Variants in FGF10 observed in about 807,000 individuals in gnomAD.
FGF10 encodes the protein fibroblast growth factor 10.
A neutral mutation model predicts 19.8 loss-of-function variants in FGF10; 2 were observed. The observed-to-expected ratio is 0.10, with a 90% CI of 0.04 to 0.32. The LOEUF (loss-of-function observed/expected upper bound fraction) is 0.32, where lower values mean the gene tolerates loss of function less well. Ranked by LOEUF, FGF10 falls within the 10% of genes least tolerant of loss-of-function variation. The pLI is 1.00. For missense variants in FGF10, 191 were observed against 246.3 expected, an observed-to-expected ratio of 0.78 and a Z score of 1.50; for synonymous variants, 112 against 94.0, an observed-to-expected ratio of 1.19 and a Z score of -1.10.
At chr5:44,316,039 T>C (rs1561198833) in intron 1 of FGF10, among the ~76,000 whole-genome samples, 1 of 152,112 alleles carries the variant, frequency 6.6e-6, no homozygotes, top group Non-Finnish European at 1.5e-5. Flanking sequence ...ATTTAGCCAC[T>C]CTCCATCACT....
chr5:44,320,397 G>T (rs1338157440), intron 1 of FGF10, among the ~76,000 whole-genome samples: 1 of 152,126 alleles, frequency 6.6e-6, no homozygotes, highest in Non-Finnish European at 1.5e-5. Context: ...AAGCCCTCAA[G>T]CTAACCCAGC....
intron 1 of FGF10, among the ~76,000 whole-genome samples, chr5:44,336,891 A>G (rs1244300207): frequency 1.3e-5 from 2 of 152,144 alleles, no homozygotes; most frequent in African/African-American, 4.8e-5. Flanking sequence ...GTGACATGGA[A>G]GACAAAGAGC....
In FGF10 at chr5:44,302,660, A is replaced by G. The variant is rs1046460847; in HGVS notation, c.*2335T>C. On this transcript the variant is annotated 3_prime_UTR_variant, in exon 3 of 3. Transcript: ENST00000264664. ...GATTACAGGTGTGAGCTACTGCACC[A>G]GGCAGGTTTTTTGTCTTTCTGTGAG... 6.6e-6 allele frequency among the ~76,000 whole-genome samples: 1 copy of G among 152,132 alleles called. No individual in the cohort carries two copies. Among genetic ancestry groups the G allele is most frequent in the Non-Finnish European group, 1.5e-5 (1 of 68,006 alleles).
chr5:44,354,133 C>T (rs1165410775), intron 1 of FGF10, among the ~76,000 whole-genome samples: 2 of 151,102 alleles, frequency 1.3e-5, no homozygotes, highest in African/African-American at 4.9e-5. Context: ...TAAGAGAATA[C>T]AAACAGACTC....
intron 1 of FGF10, among the ~76,000 whole-genome samples, chr5:44,349,783 T>A (rs1330221141): frequency 6.6e-6 from 1 of 151,054 alleles, no homozygotes; most frequent in Non-Finnish European, 1.5e-5. Flanking sequence ...TTGAAAGTAA[T>A]AAAGTTGAGT....
At chr5:44,310,652 A>G (rs1188844400) in intron 1 of FGF10, 122 bp from the exon 2 acceptor site, 2 of 700,948 alleles carry the variant, frequency 2.9e-6, no homozygotes, top group Non-Finnish European at 2.5e-6. Flanking sequence ...GGCACAAAAC[A>G]TTGGTAAACA....
intron 1 of FGF10, among the ~76,000 whole-genome samples, chr5:44,325,526 A>C (rs1334312310): frequency 1.3e-5 from 2 of 152,196 alleles, no homozygotes; most frequent in Non-Finnish European, 2.9e-5. Context: ...AAAATGTGGC[A>C]CATATACACC....
chr5:44,320,871 T>C (rs1740470000), intron 1 of FGF10, among the ~76,000 whole-genome samples: 1 of 152,050 alleles, frequency 6.6e-6, no homozygotes, highest in Non-Finnish European at 1.5e-5. Context: ...TGTGCCGCCA[T>C]GCCTGATTTT....
At chr5:44,363,762 A>T (rs1741543773) in intron 1 of FGF10, among the ~76,000 whole-genome samples, 1 of 151,916 alleles carries the variant, frequency 6.6e-6, no homozygotes, top group Non-Finnish European at 1.5e-5. Flanking sequence ...ATCTATTTTT[A>T]ACTTAGAAGG....
Position 44,388,078 on chromosome 5 carries a change from C to A in FGF10, c.325+280G>T, listed in dbSNP as rs1015586941. ...TTTGCACTGCAACAACTCTCTTGAG[C>A]GCCCTGCGTGGTCCGGCTAGTGACA... On this transcript the variant is annotated intron_variant, in intron 1 of 2. Transcript: ENST00000264664. Among the ~76,000 whole-genome samples the A allele has an allele frequency of 2.7e-5, 4 of 150,826 alleles. No individual in the cohort carries two copies. The South Asian group carries it at 6.3e-4, about 24-fold the overall frequency.
chr5:44,311,291 G>A (rs912311338), intron 1 of FGF10, among the ~76,000 whole-genome samples: 5 of 151,886 alleles, frequency 3.3e-5, no homozygotes, highest in Admixed American at 2.0e-4. Flanking sequence ...TAATTTTCTC[G>A]GAAAAGTTTG....
chr5:44,379,051 T>C (rs760315727), intron 1 of FGF10, among the ~76,000 whole-genome samples: 5 of 152,088 alleles, frequency 3.3e-5, no homozygotes, highest in Non-Finnish European at 7.4e-5. Context: ...CCTTCTCACC[T>C]CTTCAAAAGG....
chr5:44,304,805 C>A lies in FGF10; in HGVS notation c.*190G>T. The A allele has an allele frequency of 1.6e-6, 1 of 612,572 alleles. No individual in the cohort carries two copies. Among genetic ancestry groups the A allele is most frequent in the Non-Finnish European group, 2.9e-6 (1 of 342,640 alleles). The allele number at this position is 612,572 out of a possible 1,614,324, so 37.9% of individuals were successfully genotyped here. ...CCTATATCTTGATTATAAGACATGA[C>A]ACAGAACTAATTAAAAGAACATCAT... is the stretch of plus-strand genomic sequence containing the variant. On this transcript the variant is annotated 3_prime_UTR_variant, in exon 3 of 3. Coordinates refer to ENST00000264664, the MANE Select transcript of FGF10 (RefSeq NM_004465.2).
At chr5:44,318,585 C>T (rs1245746471) in intron 1 of FGF10, among the ~76,000 whole-genome samples, 1 of 152,114 alleles carries the variant, frequency 6.6e-6, no homozygotes, top group Non-Finnish European at 1.5e-5. Flanking sequence ...GTCTGCCAGT[C>T]TGTACAGAAA....
At chr5:44,369,917 C>A (rs901606343) in intron 1 of FGF10, among the ~76,000 whole-genome samples, 1 of 152,004 alleles carries the variant, frequency 6.6e-6, no homozygotes, top group Non-Finnish European at 1.5e-5. Context: ...AGACCTTTGT[C>A]CTTTCCTCCC....
chr5:44,320,629 G>A (rs999768735), intron 1 of FGF10, among the ~76,000 whole-genome samples: 3 of 152,194 alleles, frequency 2.0e-5, no homozygotes, highest in East Asian at 3.9e-4. Flanking sequence ...ATCCAAAAAA[G>A]CCATAAAACC....
intron 1 of FGF10, among the ~76,000 whole-genome samples, chr5:44,320,757 G>A (rs1280468565): frequency 6.6e-6 from 1 of 151,296 alleles, no homozygotes; most frequent in African/African-American, 2.4e-5. Flanking sequence ...TTGAGGTAGG[G>A]TCTCACTCTG....
At chr5:44,368,380 C>T (rs1241619103) in intron 1 of FGF10, among the ~76,000 whole-genome samples, 1 of 152,002 alleles carries the variant, frequency 6.6e-6, no homozygotes, top group African/African-American at 2.4e-5. Context: ...TGGCTAAGTG[C>T]CTCATACAAC....
intron 1 of FGF10, among the ~76,000 whole-genome samples, chr5:44,374,469 C>T (rs777510276): frequency 3.9e-5 from 6 of 152,204 alleles, no homozygotes; most frequent in Admixed American, 6.5e-5. Flanking sequence ...AGGTACACTC[C>T]AGGAATCTGG....
Sources: allele counts gnomAD v4.1 joint callset (sites outside exome capture counted in the v4.1 genomes callset), GRCh38; gene constraint gnomAD v4.1.1; transcripts MANE v1.5; gene names NCBI Gene and HGNC (gene_info 2026-07-23, HGNC 2026-07-21).